YAP1: variants seen among roughly 807,000 people sequenced by gnomAD.
The protein encoded by YAP1 is Yes1 associated transcriptional regulator, also known as transcriptional coactivator YAP1.
A neutral mutation model predicts 56.9 loss-of-function variants in YAP1; 5 were observed. The ratio of observed to expected loss-of-function variants is 0.09; its 90% confidence interval spans 0.05 to 0.18. YAP1 has a LOEUF of 0.18. Ranked by LOEUF, YAP1 falls within the 10% of genes least tolerant of loss-of-function variation. The pLI, the probability that YAP1 is intolerant of heterozygous loss-of-function variation, is 1.00. For synonymous variants in YAP1, 265 were observed against 248.1 expected, an observed-to-expected ratio of 1.07 and a Z score of -0.64; for missense variants, 539 against 651.8, an observed-to-expected ratio of 0.83 and a Z score of 1.88.
chr11:102,161,305 G>A (rs1946267336), intron 2 of YAP1, among the ~76,000 whole-genome samples: 2 of 147,920 alleles, frequency 1.4e-5, no homozygotes, highest in Admixed American at 6.7e-5. Context: ...CTTGTGATCT[G>A]CCCGCCTCGG....
At chr11:102,139,802 T>A (rs986278111) in intron 2 of YAP1, among the ~76,000 whole-genome samples, 1 of 152,230 alleles carries the variant, frequency 6.6e-6, no homozygotes, top group African/African-American at 2.4e-5. Flanking sequence ...GGGAATTTGA[T>A]TTTAGATTGT....
chr11:102,178,189 T>G (rs1384453543), intron 3 of YAP1, among the ~76,000 whole-genome samples: 1 of 152,216 alleles, frequency 6.6e-6, no homozygotes, highest in Non-Finnish European at 1.5e-5. Context: ...TCATCATAAA[T>G]ACACGAGACC....
intron 3 of YAP1, among the ~76,000 whole-genome samples, chr11:102,180,865 G>A (rs907564019): frequency 1.3e-5 from 2 of 151,716 alleles, no homozygotes; most frequent in Non-Finnish European, 2.9e-5. Flanking sequence ...AGTAATTCTC[G>A]GTCGGGCATG....
At chr11:102,219,340 A>G (rs1439934790) in intron 6 of YAP1, among the ~76,000 whole-genome samples, 3 of 152,158 alleles carry the variant, frequency 2.0e-5, no homozygotes, top group Admixed American at 1.3e-4. Flanking sequence ...AATAATTACG[A>G]TATTTTGTGA....
chr11:102,158,551 G>A (rs939328315), intron 2 of YAP1, among the ~76,000 whole-genome samples: 10 of 152,196 alleles, frequency 6.6e-5, no homozygotes, highest in African/African-American at 2.2e-4. Flanking sequence ...TGTGCTCAGT[G>A]CTGCTGGCCC....
At chr11:102,144,405 C>T (rs1945200091) in intron 2 of YAP1, among the ~76,000 whole-genome samples, 1 of 152,108 alleles carries the variant, frequency 6.6e-6, no homozygotes, top group South Asian at 2.1e-4. Flanking sequence ...CATTTTAGAA[C>T]CTCTGCTATT....
rs144164690 is a variant in YAP1 at position 102,209,188 on chromosome 11, A to G, written c.985-329A>G. 3.1e-3 allele frequency among the ~76,000 whole-genome samples: 470 copies of G among 152,334 alleles called. 5 individuals carry two copies. Among genetic ancestry groups the G allele is most frequent in the African/African-American group, 0.011 (437 of 41,568 alleles). ...TGTGAACTTCTTCCCTTGACAGTTTATCTTAGCACTGAAACATCAAATATA... is the reference window on the plus strand; with the variant it reads ...TGTGAACTTCTTCCCTTGACAGTTTGTCTTAGCACTGAAACATCAAATATA... On this transcript the variant is annotated intron_variant, in intron 5 of 8. Coordinates refer to ENST00000282441, the MANE Select transcript of YAP1 (RefSeq NM_001130145.3).
intron 2 of YAP1, among the ~76,000 whole-genome samples, chr11:102,150,195 G>T (rs953676320): frequency 6.6e-6 from 1 of 151,908 alleles, no homozygotes; most frequent in African/African-American, 2.4e-5. Flanking sequence ...TGTTGGCCAG[G>T]CTGGTCTTGA....
rs914814785 is a variant in YAP1 at position 102,182,656 on chromosome 11, C to T, written c.689-3362C>T. On this transcript the variant is annotated intron_variant, in intron 3 of 8. Coordinates refer to ENST00000282441, the MANE Select transcript of YAP1 (RefSeq NM_001130145.3). ...TCCATTAACACTGGAAGAATTGTTT[C>T]TTTTCAGTTTTCTCTATCTTAATTC... Among the ~76,000 whole-genome samples, 5 of 152,262 alleles carry T rather than the reference C, an allele frequency of 3.3e-5. No homozygotes were observed. In the East Asian group the frequency reaches 9.6e-4, roughly 29 times the overall value.
In YAP1 at chr11:102,229,492, T is replaced by C. The variant is rs148548892; in HGVS notation, c.1277-210T>C. On this transcript the variant is annotated intron_variant, in intron 8 of 8. Transcript: ENST00000282441. ...GCACATAATAGCAATCAAGCTGTTA[T>C]TGGATATCTGAACAATGTTGAAGCA... Among the ~76,000 whole-genome samples the C allele has an allele frequency of 5.7e-3, 871 of 152,316 alleles. 15 individuals carry two copies. The highest frequency in any genetic ancestry group is 0.02 in the African/African-American group (824 of 41,568).
intron 2 of YAP1, among the ~76,000 whole-genome samples, chr11:102,142,542 A>T (rs781284302): frequency 4.9e-4 from 75 of 152,372 alleles, no homozygotes; most frequent in Admixed American, 1.6e-3. Context: ...CTGAGGGAAG[A>T]GCTATTCATT....
chr11:102,146,141 T>TTATCTACAGATTAA (rs1476145310), intron 2 of YAP1, among the ~76,000 whole-genome samples: 4 of 152,172 alleles, frequency 2.6e-5, no homozygotes, highest in African/African-American at 9.7e-5. Context: ...GTCCATAGCC[T>TTATCTACAGATTAA]GGCCCCATAT....
chr11:102,137,375 C>A (rs1944733348), intron 2 of YAP1, among the ~76,000 whole-genome samples: 1 of 152,166 alleles, frequency 6.6e-6, no homozygotes, highest in African/African-American at 2.4e-5. Flanking sequence ...ACATCTCTCT[C>A]TCCTTAAAGT....
intron 7 of YAP1, among the ~76,000 whole-genome samples, chr11:102,225,115 A>G (rs1950130820): frequency 6.6e-6 from 1 of 151,970 alleles, no homozygotes; most frequent in Admixed American, 6.6e-5. Flanking sequence ...AGAATTGTAT[A>G]TGCATTCTCT....
rs568995522 is a variant in YAP1, at chr11:102,220,014, G to A, written c.1033-3608G>A. On this transcript the variant is annotated intron_variant, in intron 6 of 8. Coordinates refer to ENST00000282441, the MANE Select transcript of YAP1 (RefSeq NM_001130145.3). ...CTCCCAAAGTGCTGGGATTACAGGC[G>A]TGAGCCACCACACCCAGCCAATGGC... Among the ~76,000 whole-genome samples, 37 of 151,854 alleles carry A rather than the reference G, an allele frequency of 2.4e-4. No homozygotes were observed. The East Asian group carries it at 4.2e-3, about 17-fold the overall frequency.
Position 102,110,991 on chromosome 11 carries a change from C to G in YAP1, c.143C>G (p.Pro48Arg). The G allele has an allele frequency of 6.4e-7, 1 of 1,556,468 alleles. No individual in the cohort carries two copies. The highest frequency in any genetic ancestry group is 8.7e-7 in the Non-Finnish European group (1 of 1,154,182). Residue 48 changes from proline (P) to arginine (R), a missense_variant, in exon 1 of 9, where the codon CCC becomes CGC. Coordinates refer to ENST00000282441, the MANE Select transcript of YAP1 (RefSeq NM_001130145.3). ...GCGACCCAGGCGGCGCCGCAGGCAC[C>G]CCCCGCCGGGCATCAGATCGTGCAC... ...PAATQAAPQAPPAGHQIVHVR... is the reference protein window; with the variant it reads ...PAATQAAPQARPAGHQIVHVR...
intron 7 of YAP1, among the ~76,000 whole-genome samples, chr11:102,225,304 G>A (rs905976152): frequency 8.6e-5 from 13 of 152,036 alleles, no homozygotes; most frequent in South Asian, 4.2e-4. Context: ...TGACCAACAT[G>A]GCGAAACCCC....
chr11:102,164,955 C>G (rs1946512924), intron 3 of YAP1, among the ~76,000 whole-genome samples: 1 of 152,176 alleles, frequency 6.6e-6, no homozygotes, highest in South Asian at 2.1e-4. Context: ...CTCCCAACCT[C>G]AGGTGATCCG....
intron 2 of YAP1, among the ~76,000 whole-genome samples, chr11:102,117,182 A>G (rs1943340151): frequency 6.6e-6 from 1 of 152,160 alleles, no homozygotes; most frequent in Admixed American, 6.5e-5. Context: ...TCTGTTGTCA[A>G]AGTTCATTTT....
Sources: gnomAD v4.1 joint callset for allele counts (sites outside exome capture counted in the v4.1 genomes callset) on GRCh38, gnomAD v4.1.1 for gene constraint, MANE v1.5 for transcripts, NCBI Gene and HGNC (gene_info 2026-07-23, HGNC 2026-07-21) for gene names.